ARNT: variants seen among roughly 807,000 people sequenced by gnomAD.
ARNT encodes aryl hydrocarbon receptor nuclear translocator.
ARNT carries 30 observed loss-of-function variants against 105.0 expected under a neutral mutation model. That is an observed-to-expected ratio of 0.29 (90% CI 0.21 to 0.39). The LOEUF (loss-of-function observed/expected upper bound fraction) is 0.39, where lower values mean the gene tolerates loss of function less well. Ranked by LOEUF, ARNT falls within the 10% of genes least tolerant of loss-of-function variation. The pLI, the probability that ARNT is intolerant of heterozygous loss-of-function variation, is 1.00. For synonymous variants in ARNT, 304 were observed against 344.0 expected (o/e 0.88, Z 1.29); for missense variants, 748 against 978.7 (o/e 0.76, Z 3.15).
chr1:150,846,284 T>A lies in ARNT; in HGVS notation c.206A>T (p.Asn69Ile), dbSNP rs1272091771. The A allele has an allele frequency of 1.9e-6, 3 of 1,613,756 alleles. No individual in the cohort carries two copies. In the South Asian group the frequency reaches 3.3e-5, roughly 18 times the overall value. The change falls in exon 4 of 22, where the codon AAC becomes ATC. Residue 69 changes from asparagine (N) to isoleucine (I), a missense_variant. Around this residue, in one of 4 missense-constraint regions of ARNT, gnomAD observed 93 missense variants for 101.6 expected, o/e 0.92. Coordinates refer to ENST00000358595, the MANE Select transcript of ARNT (RefSeq NM_001668.4). The part of the protein sequence containing the change: ...FLRCDDDQMS[N>I]DKERFARSDD... ...TTACCTGGCAAACCGCTCCTTATCG[T>A]TAGACATCTGATCATCATCACACCT... is the stretch of plus-strand genomic sequence containing the variant.
At chr1:150,857,832 A>G (rs1664903764) in intron 2 of ARNT, among the ~76,000 whole-genome samples, 1 of 152,204 alleles carries the variant, frequency 6.6e-6, no homozygotes, top group Admixed American at 6.5e-5. Context: ...AGAAACAAGG[A>G]CTGTGTCTTA....
Position 150,832,378 on chromosome 1 carries a change from G to A in ARNT, c.825C>T (p.Asp275=), listed in dbSNP as rs1659504314. 6.2e-7 allele frequency: 1 copy of A among 1,613,940 alleles called. No homozygotes were observed. Among genetic ancestry groups the A allele is most frequent in the African/African-American group, 1.3e-5 (1 of 74,880 alleles). ...AGCTCAGCCTATTCACAGAAACTGG[G>A]TCCACAGAGCTACTGCCACACCTGT... The part of the protein sequence containing the change: ...CRMRCGSSSV[D]PVSVNRLSFV... The change falls in exon 9 of 22, where the codon GAC becomes GAT. Residue 275 remains aspartate (D), a synonymous_variant. Coordinates refer to ENST00000358595, the MANE Select transcript of ARNT (RefSeq NM_001668.4).
chr1:150,850,276 C>G (rs1160128218), intron 3 of ARNT, among the ~76,000 whole-genome samples: 2 of 152,220 alleles, frequency 1.3e-5, no homozygotes, highest in South Asian at 2.1e-4. Context: ...CCCACGGTCT[C>G]CCTCTCCCCA....
chr1:150,863,529 C>T (rs1666029988), intron 1 of ARNT, among the ~76,000 whole-genome samples: 1 of 151,376 alleles, frequency 6.6e-6, no homozygotes, highest in Admixed American at 6.6e-5. Flanking sequence ...CAAACTGGGC[C>T]TTAAAAAAAG....
At chr1:150,831,360 C>CT (rs1446362253) in intron 10 of ARNT, 2 of 152,604 alleles carry the variant, frequency 1.3e-5, no homozygotes, top group African/African-American at 4.8e-5. Flanking sequence ...TGTTTGACCT[C>CT]AAGTTCTGGT....
intron 5 of ARNT, among the ~76,000 whole-genome samples, chr1:150,841,507 C>G (rs587759153): frequency 2.0e-5 from 3 of 152,126 alleles, no homozygotes; most frequent in African/African-American, 7.2e-5. Context: ...TCGAGTTAAA[C>G]TGGCAGCAAA....
At chr1:150,856,945 C>T (rs1209695786) in intron 2 of ARNT, among the ~76,000 whole-genome samples, 1 of 148,996 alleles carries the variant, frequency 6.7e-6, no homozygotes, top group Non-Finnish European at 1.5e-5. Flanking sequence ...GTACAAGACC[C>T]TGTCTCTAAA....
intron 3 of ARNT, among the ~76,000 whole-genome samples, chr1:150,847,775 T>C (rs1662518508): frequency 6.6e-6 from 1 of 152,206 alleles, no homozygotes; most frequent in African/African-American, 2.4e-5. Context: ...TCTCCAGAAA[T>C]TGAAATCTCT....
chr1:150,821,678 T>TC (rs1657096508), intron 14 of ARNT, among the ~76,000 whole-genome samples: 3 of 152,226 alleles, frequency 2.0e-5, no homozygotes, highest in African/African-American at 7.2e-5. Flanking sequence ...AGATGGAGTC[T>TC]CCCTCTGTCA....
intron 5 of ARNT, among the ~76,000 whole-genome samples, chr1:150,841,322 AAAAAG>A (rs1416085924): frequency 1.3e-5 from 2 of 151,970 alleles, no homozygotes; most frequent in Admixed American, 1.3e-4. Context: ...TGTCCAAAAA[AAAAAG>A]AAAGTAAGAA....
At chr1:150,841,246 G>A (rs151296193) in intron 5 of ARNT, among the ~76,000 whole-genome samples, 3 of 151,120 alleles carry the variant, frequency 2.0e-5, no homozygotes, top group Admixed American at 6.6e-5. Context: ...CACTGCGCCC[G>A]GCCTGCTTTA....
chr1:150,861,564 C>T (rs1241738552), intron 1 of ARNT, among the ~76,000 whole-genome samples: 1 of 152,158 alleles, frequency 6.6e-6, no homozygotes, highest in African/African-American at 2.4e-5. Context: ...AAGGCTAGCA[C>T]TTTAAAAGGC....
chr1:150,863,167 G>A (rs1486917190), intron 1 of ARNT, among the ~76,000 whole-genome samples: 2 of 151,744 alleles, frequency 1.3e-5, no homozygotes, highest in African/African-American at 4.8e-5. Flanking sequence ...TTTGAGACCA[G>A]CCTGACCAAC....
intron 1 of ARNT, among the ~76,000 whole-genome samples, chr1:150,868,832 A>G (rs919137765): frequency 2.6e-5 from 4 of 152,042 alleles, no homozygotes; most frequent in Non-Finnish European, 5.9e-5. Context: ...CGGGAGGCAG[A>G]GGTTGCAGTG....
In ARNT at chr1:150,842,619, G is replaced by A. The variant is rs1157899500; in HGVS notation, c.228-151C>T. The A allele has an allele frequency of 8.6e-6, 5 of 580,852 alleles. No homozygotes were observed. The East Asian group carries it at 1.5e-4, about 17-fold the overall frequency. The allele number at this position is 580,852 out of a possible 1,614,324, so 36.0% of individuals were successfully genotyped here. A position where few individuals can be genotyped will look rare whatever the true frequency, so the allele number is the denominator to read the frequency against. On this transcript the variant is annotated intron_variant, in intron 4 of 21. Transcript: ENST00000358595. ...GAGAAAGAAGAGAGAAAAGGATATAGAACTAAACAGATGCAGAGAAGAGAG... is the reference window on the plus strand; with the variant it reads ...GAGAAAGAAGAGAGAAAAGGATATAAAACTAAACAGATGCAGAGAAGAGAG...
intron 6 of ARNT, 26 bp from the exon 7 acceptor site, chr1:150,836,519 T>C (rs1335844767): frequency 6.2e-7 from 1 of 1,602,878 alleles, no homozygotes; most frequent in East Asian, 2.2e-5. Context: ...AAATAGAAGT[T>C]AATATTTTAC....
intron 1 of ARNT, among the ~76,000 whole-genome samples, chr1:150,868,278 G>C (rs1666923859): frequency 6.6e-6 from 1 of 151,968 alleles, no homozygotes; most frequent in African/African-American, 2.4e-5. Context: ...AACATAGCAA[G>C]ACCCTGTCTC....
chr1:150,839,732 C>A, intron 5 of ARNT, 78 bp from the exon 6 acceptor site: 1 of 1,387,270 alleles, frequency 7.2e-7, no homozygotes, highest in Non-Finnish European at 1.0e-6. Context: ...ATATGGATAC[C>A]AAGTGTGCTG....
intron 1 of ARNT, among the ~76,000 whole-genome samples, chr1:150,866,845 A>T (rs932513922): frequency 1.1e-4 from 17 of 152,208 alleles, no homozygotes; most frequent in African/African-American, 3.9e-4. Flanking sequence ...AGATACAGAA[A>T]GGTAGGAAGA....
Sources: allele counts gnomAD v4.1 joint callset (sites outside exome capture counted in the v4.1 genomes callset), GRCh38; gene constraint gnomAD v4.1.1; regional missense constraint gnomAD v4.1.1; transcripts MANE v1.5; gene names NCBI Gene and HGNC (gene_info 2026-07-23, HGNC 2026-07-21).